PTK7: variants seen among roughly 807,000 people sequenced by gnomAD.
The protein encoded by PTK7 is inactive tyrosine-protein kinase 7.
Under a neutral mutation model 116.6 loss-of-function variants are expected in PTK7, and 39 were observed. The observed-to-expected ratio is 0.33, with a 90% CI of 0.26 to 0.44. The LOEUF is 0.44. PTK7 is among the 20% of genes least tolerant of loss of function. PTK7 has a pLI of 1.00. For missense variants in PTK7, 1,169 were observed against 1,425.6 expected (o/e 0.82, Z 2.90); for synonymous variants, 546 against 563.6 (o/e 0.97, Z 0.44).
intron 1 of PTK7, among the ~76,000 whole-genome samples, chr6:43,105,491 T>C (rs1373004947): frequency 7.0e-6 from 1 of 143,204 alleles, no homozygotes; most frequent in Non-Finnish European, 1.5e-5. Flanking sequence ...GAATAGCAGA[T>C]ATTAGAGGGT....
At chr6:43,087,716 C>G (rs1334368935) in intron 1 of PTK7, among the ~76,000 whole-genome samples, 1 of 152,234 alleles carries the variant, frequency 6.6e-6, no homozygotes, top group Non-Finnish European at 1.5e-5. Context: ...AGGGCCCTTG[C>G]TGAGGCTCAC....
In PTK7 at chr6:43,129,922, A is replaced by G. The variant is rs959175766; in HGVS notation, c.470+93A>G. ...CTCTATGCGGATGTTACCTCGCTCC[A>G]TTCTGTGACCACTCGTTCCACCACC... is the stretch of plus-strand genomic sequence containing the variant. On this transcript the variant is annotated intron_variant, in intron 3 of 19. Coordinates refer to ENST00000230419, the MANE Select transcript of PTK7 (RefSeq NM_002821.5). This position sits in a 1 kb window ranked among gnomAD's most constrained non-coding sequence, Gnocchi z 4.5. The G allele has an allele frequency of 1.3e-5, 16 of 1,230,172 alleles. No homozygotes were observed. Among genetic ancestry groups the G allele is most frequent in the Non-Finnish European group, 1.8e-5 (15 of 856,148 alleles). The allele number at this position is 1,230,172 out of a possible 1,614,324, so 76.2% of individuals were successfully genotyped here.
intron 17 of PTK7, among the ~76,000 whole-genome samples, chr6:43,156,251 A>G (rs1267828525): frequency 1.3e-5 from 2 of 149,540 alleles, no homozygotes; most frequent in East Asian, 4.0e-4. Flanking sequence ...AAAAAAAAAA[A>G]AAAGAATTAA....
Position 43,129,977 on chromosome 6 carries a change from A to G in PTK7, c.470+148A>G. 1 of 898,858 alleles carries G rather than the reference A, an allele frequency of 1.1e-6. No individual in the cohort carries two copies. Among genetic ancestry groups the G allele is most frequent in the Non-Finnish European group, 1.7e-6 (1 of 580,310 alleles). 55.7% of individuals were successfully genotyped at this position (898,858 alleles called of 1,614,324 possible). Reference sequence around the variant, plus strand: ...TGCTCTTCACCCTGCCCTCCCCCAGATATTGCCCTATGCCGGCCCCTGGTG... The same window carrying G: ...TGCTCTTCACCCTGCCCTCCCCCAGGTATTGCCCTATGCCGGCCCCTGGTG... On this transcript the variant is annotated intron_variant, in intron 3 of 19. Transcript: ENST00000230419. The surrounding 1 kb of genome is among the most constrained non-coding windows in gnomAD (Gnocchi z 4.5).
intron 1 of PTK7, among the ~76,000 whole-genome samples, chr6:43,083,467 G>A (rs758549095): frequency 2.0e-5 from 3 of 152,244 alleles, no homozygotes; most frequent in Non-Finnish European, 4.4e-5. Context: ...GCCCCCTGGC[G>A]CTTTGGTGGA....
At chr6:43,159,356 G>A (rs1444731935) in intron 18 of PTK7, among the ~76,000 whole-genome samples, 1 of 152,112 alleles carries the variant, frequency 6.6e-6, no homozygotes, top group Non-Finnish European at 1.5e-5. Context: ...GACAGCCTAC[G>A]AGGGCTCTGC....
chr6:43,157,364 A>ATATATATTTTTTTTTTT (rs70990168), intron 17 of PTK7, among the ~76,000 whole-genome samples: 3 of 54,364 alleles, frequency 5.5e-5, no homozygotes, highest in Admixed American at 2.4e-4. Flanking sequence ...ATATATATAT[A>ATATATATTTTTTTTTTT]TTTTTTTTTT....
In PTK7 at chr6:43,142,052, C is replaced by A; in HGVS notation, c.1890C>A (p.Arg630=). 1 of 1,613,892 alleles carries A rather than the reference C, an allele frequency of 6.2e-7. No individual in the cohort carries two copies. Among genetic ancestry groups the A allele is most frequent in the Non-Finnish European group, 8.5e-7 (1 of 1,179,948 alleles). ...KPLIQWKGKD[R]ILDPTKLGPR... The stretch of plus-strand genomic sequence containing the variant: ...TGATTCAGTGGAAAGGCAAGGACCG[C>A]ATCCTGGACCCCACCAAGCTGGGAC... Residue 630 remains arginine, a synonymous_variant, in exon 12 of 20, where the codon CGC becomes CGA. Transcript: ENST00000230419.
chr6:43,132,949 A>G (rs1300465235), intron 7 of PTK7: 1 of 584,686 alleles, frequency 1.7e-6, no homozygotes, highest in Non-Finnish European at 3.1e-6. Context: ...ATAGACTAGG[A>G]ATCTAGAGAC....
At chr6:43,133,151 C>A in intron 7 of PTK7, 1 of 278,090 alleles carries the variant, frequency 3.6e-6, no homozygotes, top group Non-Finnish European at 6.6e-6. Flanking sequence ...TAATAGTGGA[C>A]AAAATTATAG....
rs559412226 is a variant in PTK7, at chr6:43,150,712, G to GC, written c.2721+4018dup. Among the ~76,000 whole-genome samples, 655 of 150,394 alleles carry GC rather than the reference G, an allele frequency of 4.4e-3. 3 individuals are homozygous for GC. The highest frequency in any genetic ancestry group is 0.016 in the Admixed American group (236 of 14,976). Reference sequence around the variant, plus strand: ...TTATGATGGCCACTGAAGCAGCCTGGCCCCTTTACCACCAGTGCACCTGAG... The same window carrying GC: ...TTATGATGGCCACTGAAGCAGCCTGGCCCCCTTTACCACCAGTGCACCTGAG... On this transcript the variant is annotated intron_variant, in intron 17 of 19. Transcript: ENST00000230419.
chr6:43,142,554 A>G (rs984730441), intron 13 of PTK7: 6 of 577,766 alleles, frequency 1.0e-5, no homozygotes, highest in Admixed American at 7.0e-5. Context: ...TCTTCCTACA[A>G]TGCTGCCTCC....
chr6:43,117,367 G>A (rs974418237), intron 1 of PTK7, among the ~76,000 whole-genome samples: 1 of 152,186 alleles, frequency 6.6e-6, no homozygotes, highest in Non-Finnish European at 1.5e-5. Context: ...AACACCAATT[G>A]CATTTTACAA....
At chr6:43,106,288 G>A (rs1009692033) in intron 1 of PTK7, among the ~76,000 whole-genome samples, 6 of 152,080 alleles carry the variant, frequency 3.9e-5, no homozygotes, top group African/African-American at 1.4e-4. Flanking sequence ...TATTTGCCAA[G>A]TCCCGTTCCT....
Position 43,076,985 on chromosome 6 carries a change from A to G in PTK7, c.79+418A>G. 6.8e-7 allele frequency: 1 copy of G among 1,481,120 alleles called. No individual in the cohort carries two copies. Among genetic ancestry groups the G allele is most frequent in the Non-Finnish European group, 9.0e-7 (1 of 1,112,630 alleles). 91.7% of individuals were successfully genotyped at this position (1,481,120 alleles called of 1,614,324 possible). A position where few individuals can be genotyped will look rare whatever the true frequency, so the allele number is the denominator to read the frequency against. ...CCACCCCACCCGGCAGGGTCGGCCC[A>G]GGTAAGAGTTGCTGGTTTGGGGCCC... On this transcript the variant is annotated intron_variant, in intron 1 of 19. Transcript: ENST00000230419. The surrounding 1 kb of genome is among the most constrained non-coding windows in gnomAD (Gnocchi z 5.7).
intron 7 of PTK7, among the ~76,000 whole-genome samples, chr6:43,135,228 G>A (rs1387025320): frequency 6.6e-6 from 1 of 152,202 alleles, no homozygotes; most frequent in African/African-American, 2.4e-5. Context: ...AGTGTGTGAT[G>A]CAAACAGGGC....
At chr6:43,135,474 A>C (rs1210470884) in intron 7 of PTK7, among the ~76,000 whole-genome samples, 1 of 152,238 alleles carries the variant, frequency 6.6e-6, no homozygotes, top group African/African-American at 2.4e-5. Context: ...TGCCAGTAGA[A>C]CAAGGGAGAA....
intron 10 of PTK7, among the ~76,000 whole-genome samples, chr6:43,140,923 T>G (rs947796339): frequency 6.6e-6 from 1 of 152,194 alleles, no homozygotes; most frequent in African/African-American, 2.4e-5. Context: ...TTATACACTC[T>G]TCATGAATAT....
In PTK7 at chr6:43,145,647, T is replaced by G. The variant is rs1175092562; in HGVS notation, c.2640+215T>G. On this transcript the variant is annotated intron_variant, in intron 16 of 19. Transcript: ENST00000230419. This position sits in a 1 kb window ranked among gnomAD's most constrained non-coding sequence, Gnocchi z 4.8. ...GCTTTCCCTTTATCAGCACCCAGTC[T>G]TTCCATCTGTATCTCAGGGGCGTTG... 2.7e-6 allele frequency: 1 copy of G among 372,306 alleles called. No homozygotes were observed. The highest frequency in any genetic ancestry group is 4.8e-6 in the Non-Finnish European group (1 of 208,470). 23.1% of individuals were successfully genotyped at this position (372,306 alleles called of 1,614,324 possible).
Sources: allele counts gnomAD v4.1 joint callset (sites outside exome capture counted in the v4.1 genomes callset), GRCh38; gene constraint gnomAD v4.1.1; non-coding constraint Gnocchi (gnomAD v3.1); transcripts MANE v1.5; gene names NCBI Gene and HGNC (gene_info 2026-07-23, HGNC 2026-07-21).